STK32B: variants seen among roughly 807,000 people sequenced by gnomAD.
STK32B encodes serine/threonine-protein kinase 32B.
In STK32B, 43 loss-of-function variants were observed where a neutral mutation model predicts 52.6. The ratio of observed to expected loss-of-function variants is 0.82; its 90% CI spans 0.64 to 1.05. STK32B has a LOEUF of 1.05. Ranked by LOEUF, STK32B falls within the 50% of genes least tolerant of loss-of-function variation. The pLI is 0.00. For synonymous variants in STK32B, 238 were observed against 204.3 expected (o/e 1.17, Z -1.41); for missense variants, 621 against 534.6 (o/e 1.16, Z -1.59).
chr4:5,339,873 A>T (rs3821920), intron 4 of STK32B, among the ~76,000 whole-genome samples: 54,127 of 152,098 alleles, frequency 0.36, 15,456 homozygotes, highest in African/African-American at 0.79. Context: ...GACGCCTCAT[A>T]CTTATTTCCT....
intron 9 of STK32B, among the ~76,000 whole-genome samples, chr4:5,464,785 G>T (rs1717307734): frequency 6.6e-6 from 1 of 152,168 alleles, no homozygotes; most frequent in Non-Finnish European, 1.5e-5. Flanking sequence ...AATTCAGATG[G>T]TCTAGATCCA....
chr4:5,234,513 T>TA (rs34816975), intron 3 of STK32B, among the ~76,000 whole-genome samples: 102,663 of 152,112 alleles, frequency 0.67, 40,614 homozygotes, highest in Non-Finnish European at 0.9. Context: ...AAGGGCTCAA[T>TA]AAAAAATATT....
intron 3 of STK32B, among the ~76,000 whole-genome samples, chr4:5,320,833 T>C (rs1731438814): frequency 6.6e-6 from 1 of 152,186 alleles, no homozygotes; most frequent in Admixed American, 6.5e-5. Context: ...AAGAAATTGG[T>C]TAAGAAATTT....
At chr4:5,061,197 T>C (rs1742204082) in intron 1 of STK32B, among the ~76,000 whole-genome samples, 2 of 152,228 alleles carry the variant, frequency 1.3e-5, no homozygotes, top group South Asian at 4.1e-4. Context: ...CTTTTTTCTC[T>C]CCTTGTTTTT....
chr4:5,493,221 T>C (rs1466810809), intron 11 of STK32B, among the ~76,000 whole-genome samples: 1 of 152,230 alleles, frequency 6.6e-6, no homozygotes. Flanking sequence ...GACTCTTTTT[T>C]CTTGGTAAGC....
chr4:5,051,936 A>G, intron 1 of STK32B, 21 bp downstream of exon 1: 1 of 1,579,734 alleles, frequency 6.3e-7, no homozygotes, highest in Non-Finnish European at 8.6e-7. Flanking sequence ...GAGAGGTGCG[A>G]ATTCCCGCTT....
chr4:5,397,554 G>A (rs1175905935), intron 4 of STK32B, among the ~76,000 whole-genome samples: 1 of 152,208 alleles, frequency 6.6e-6, no homozygotes, highest in African/African-American at 2.4e-5. Context: ...CCTTAAAAGA[G>A]GTCAGCAAAC....
rs189203081 is a variant in STK32B, at chr4:5,067,986, G to A, written c.52+16071G>A. ...CCTCATGATCCAATCACCTCCCACC[G>A]GATCCCACCTCCAGCACTGGGGATT... On this transcript the variant is annotated intron_variant, in intron 1 of 11. Coordinates refer to ENST00000282908, the MANE Select transcript of STK32B (RefSeq NM_018401.3). 3.4e-4 allele frequency among the ~76,000 whole-genome samples: 52 copies of A among 152,084 alleles called. No homozygotes were observed. The East Asian group carries it at 7.0e-3, about 20-fold the overall frequency.
intron 1 of STK32B, among the ~76,000 whole-genome samples, chr4:5,130,397 G>T (rs567354810): frequency 6.6e-6 from 1 of 151,932 alleles, no homozygotes; most frequent in Non-Finnish European, 1.5e-5. Flanking sequence ...CCATGGTGAG[G>T]AGCATGGATC....
intron 1 of STK32B, among the ~76,000 whole-genome samples, chr4:5,130,063 A>G (rs2108820016): frequency 6.6e-6 from 1 of 152,214 alleles, no homozygotes; most frequent in South Asian, 2.1e-4. Flanking sequence ...GATCATGACA[A>G]TTCCTAAAAC....
At chr4:5,322,196 G>A (rs1014698042) in intron 3 of STK32B, among the ~76,000 whole-genome samples, 4 of 152,044 alleles carry the variant, frequency 2.6e-5, no homozygotes, top group Admixed American at 6.6e-5. Context: ...TTATCATTGT[G>A]AATGTTATTA....
At chr4:5,180,035 T>C (rs191258287) in intron 3 of STK32B, among the ~76,000 whole-genome samples, 185 of 152,204 alleles carry the variant, frequency 1.2e-3, no homozygotes, top group African/African-American at 4.2e-3. Flanking sequence ...GGACAGGCAA[T>C]GAGGGAAGGG....
chr4:5,452,953 A>C (rs1418425488), intron 7 of STK32B, among the ~76,000 whole-genome samples: 1 of 152,052 alleles, frequency 6.6e-6, no homozygotes. Context: ...GAGTGAGAGA[A>C]CTCAGCATCA....
intron 3 of STK32B, among the ~76,000 whole-genome samples, chr4:5,318,627 G>C (rs1446110416): frequency 4.6e-5 from 7 of 151,952 alleles, no homozygotes; most frequent in Non-Finnish European, 1.5e-5. Flanking sequence ...AGAATCACAG[G>C]GTAGGTACTT....
chr4:5,273,777 G>A (rs1252906504), intron 3 of STK32B, among the ~76,000 whole-genome samples: 7 of 138,552 alleles, frequency 5.1e-5, no homozygotes, highest in African/African-American at 1.7e-4. Flanking sequence ...TCACTCATAG[G>A]TGGGAATTGA....
At position 5,453,702 on chromosome 4, in the gene STK32B, G is replaced by T. The variant is rs7667200; in HGVS notation, c.667-3105G>T. ...GCAGATCACCTGAGGTGAGGAGTTC[G>T]AGACCAACCTGGCCAACATGGTAAA... On this transcript the variant is annotated intron_variant, in intron 7 of 11. Transcript: ENST00000282908. This position sits in a 1 kb window ranked among gnomAD's most constrained non-coding sequence, Gnocchi z 4.0. 6.6e-6 allele frequency among the ~76,000 whole-genome samples: 1 copy of T among 152,042 alleles called. No homozygotes were observed. The highest frequency in any genetic ancestry group is 2.4e-5 in the African/African-American group (1 of 41,368).
chr4:5,084,702 C>G (rs1365107064), intron 1 of STK32B, among the ~76,000 whole-genome samples: 2 of 152,110 alleles, frequency 1.3e-5, no homozygotes, highest in Admixed American at 6.5e-5. Flanking sequence ...AAAGTAACTT[C>G]TGTAAAAAAT....
rs920180177 is a variant in STK32B, at chr4:5,453,415, C to T, written c.667-3392C>T. ...GTCTCTGGTGGCAATGCAGAAAGAC[C>T]AGGGGATGAGAATCGGGGACATTGG... On this transcript the variant is annotated intron_variant, in intron 7 of 11. Transcript: ENST00000282908. This position sits in a 1 kb window ranked among gnomAD's most constrained non-coding sequence, Gnocchi z 4.0. Among the ~76,000 whole-genome samples the T allele has an allele frequency of 6.6e-6, 1 of 152,122 alleles. No individual in the cohort carries two copies. The highest frequency in any genetic ancestry group is 2.4e-5 in the African/African-American group (1 of 41,430).
chr4:5,130,497 A>C (rs1715693517), intron 1 of STK32B, among the ~76,000 whole-genome samples: 1 of 152,062 alleles, frequency 6.6e-6, no homozygotes, highest in African/African-American at 2.4e-5. Flanking sequence ...CAAAGAAAGT[A>C]ATCTCTTGGC....
Sources: gnomAD v4.1 joint callset for allele counts (sites outside exome capture counted in the v4.1 genomes callset) on GRCh38, gnomAD v4.1.1 for gene constraint, Gnocchi (gnomAD v3.1) non-coding constraint, MANE v1.5 for transcripts, NCBI Gene and HGNC (gene_info 2026-07-23, HGNC 2026-07-21) for gene names.